ARHGAP10: variants seen among roughly 807,000 people sequenced by gnomAD.
ARHGAP10 encodes the protein Rho GTPase activating protein 10.
A neutral mutation model predicts 108.6 loss-of-function variants in ARHGAP10; 87 were observed. That is an observed-to-expected ratio of 0.80 (90% CI 0.67 to 0.96). The LOEUF is 0.96. Among genes scored for constraint, ARHGAP10 ranks in the 40% least tolerant of loss-of-function variants. The probability of loss-of-function intolerance (pLI) is 0.00; values close to 1 mark genes in which losing one functional copy is unlikely to be tolerated. For missense variants in ARHGAP10, 939 were observed against 954.5 expected, an observed-to-expected ratio of 0.98 and a Z score of 0.21; for synonymous variants, 347 against 341.1, an observed-to-expected ratio of 1.02 and a Z score of -0.19.
At chr4:147,882,691 A>C (rs1735379317) in intron 10 of ARHGAP10, among the ~76,000 whole-genome samples, 1 of 152,122 alleles carries the variant, frequency 6.6e-6, no homozygotes, top group Non-Finnish European at 1.5e-5. Context: ...TTCAAAGGTG[A>C]ATTCTTTTTT....
intron 18 of ARHGAP10, among the ~76,000 whole-genome samples, chr4:148,022,850 A>G (rs1001617315): frequency 6.6e-5 from 10 of 152,344 alleles, no homozygotes; most frequent in Admixed American, 4.6e-4. Flanking sequence ...CTGTTTACGT[A>G]GTTTGGAAAA....
chr4:147,910,999 C>T (rs1736706816), intron 12 of ARHGAP10, among the ~76,000 whole-genome samples: 1 of 151,996 alleles, frequency 6.6e-6, no homozygotes, highest in African/African-American at 2.4e-5. Flanking sequence ...TTTCTTCCTT[C>T]CTCCCTCCTC....
At chr4:147,803,994 G>GTT (rs1189718865) in intron 1 of ARHGAP10, among the ~76,000 whole-genome samples, 27 of 132,858 alleles carry the variant, frequency 2.0e-4, no homozygotes, top group Non-Finnish European at 2.5e-4. Context: ...TGTATTTTTA[G>GTT]TTTTTTTTTT....
rs552794313 is a variant in ARHGAP10, at chr4:147,817,950, C to T, written c.155-4777C>T. Among the ~76,000 whole-genome samples, 75 of 152,274 alleles carry T rather than the reference C, an allele frequency of 4.9e-4. 1 individual carries two copies. Among genetic ancestry groups the T allele is most frequent in the African/African-American group, 1.7e-3 (69 of 41,562 alleles). The stretch of plus-strand genomic sequence containing the variant: ...AGTCATTTAGAGAGCCTGATGGTTT[C>T]ACACCAGTTGAGATCTGGGCAAAAG... On this transcript the variant is annotated intron_variant, in intron 1 of 22. Coordinates refer to ENST00000336498, the MANE Select transcript of ARHGAP10 (RefSeq NM_024605.4).
chr4:147,992,283 G>GCT (rs1348249982), intron 18 of ARHGAP10, among the ~76,000 whole-genome samples: 1 of 152,118 alleles, frequency 6.6e-6, no homozygotes, highest in Non-Finnish European at 1.5e-5. Context: ...CGTTTGTCCT[G>GCT]CTCTCTCGTC....
intron 5 of ARHGAP10, chr4:147,858,023 C>T (rs1253243558): frequency 6.5e-6 from 1 of 152,732 alleles, no homozygotes; most frequent in African/African-American, 2.4e-5. Flanking sequence ...GCTCATATAC[C>T]ATTATGCGTT....
intron 10 of ARHGAP10, among the ~76,000 whole-genome samples, chr4:147,893,122 G>A (rs1253946204): frequency 1.3e-5 from 2 of 152,012 alleles, no homozygotes; most frequent in African/African-American, 4.8e-5. Context: ...GCAGTGGCGT[G>A]ATCTTGGCTC....
At chr4:147,839,315 G>A (rs1337506827) in intron 3 of ARHGAP10, among the ~76,000 whole-genome samples, 1 of 152,148 alleles carries the variant, frequency 6.6e-6, no homozygotes, top group Non-Finnish European at 1.5e-5. Flanking sequence ...GTATCTGGAA[G>A]GTCATGGGAG....
intron 18 of ARHGAP10, among the ~76,000 whole-genome samples, chr4:148,015,621 G>A (rs972754019): frequency 1.3e-5 from 2 of 152,120 alleles, no homozygotes; most frequent in Admixed American, 6.5e-5. Context: ...ACAGAGAGTC[G>A]GAAAAGGTTT....
chr4:147,981,666 C>T (rs527425225), intron 18 of ARHGAP10, among the ~76,000 whole-genome samples: 1 of 152,126 alleles, frequency 6.6e-6, no homozygotes, highest in Non-Finnish European at 1.5e-5. Flanking sequence ...GAAGTCTCCT[C>T]CTATTATTAT....
Position 147,881,773 on chromosome 4 carries a change from G to C in ARHGAP10, c.940-65G>C, listed in dbSNP as rs560403610. On this transcript the variant is annotated intron_variant, in intron 9 of 22. Transcript: ENST00000336498. ...CCTTGCTCCCCTGCTCTCCAGTATA[G>C]AATGGCTGAGTGTGTATATACTTAT... is the stretch of plus-strand genomic sequence containing the variant. The C allele has an allele frequency of 6.8e-6, 10 of 1,462,340 alleles. No homozygotes were observed. The South Asian group carries it at 1.2e-4, about 17-fold the overall frequency. 90.6% of individuals were successfully genotyped at this position (1,462,340 alleles called of 1,614,324 possible). A position where few individuals can be genotyped will look rare whatever the true frequency, so the allele number is the denominator to read the frequency against.
chr4:147,897,571 A>C (rs1736045972), intron 10 of ARHGAP10, among the ~76,000 whole-genome samples: 1 of 152,122 alleles, frequency 6.6e-6, no homozygotes, highest in Non-Finnish European at 1.5e-5. Flanking sequence ...TATAACATGC[A>C]TTTTAAAATA....
rs540431122 is a variant in ARHGAP10 at position 147,987,977 on chromosome 4, C to A, written c.1716+21138C>A. Among the ~76,000 whole-genome samples the A allele has an allele frequency of 4.6e-5, 7 of 152,338 alleles. No homozygotes were observed. The East Asian group carries it at 1.2e-3, about 25-fold the overall frequency. On this transcript the variant is annotated intron_variant, in intron 18 of 22. Coordinates refer to ENST00000336498, the MANE Select transcript of ARHGAP10 (RefSeq NM_024605.4). Reference sequence around the variant, plus strand: ...GGCAAAGTTTTGGTTGCAACCAAATCATCTCTCCAGCAGTGTGAGAAAATA... The same window carrying A: ...GGCAAAGTTTTGGTTGCAACCAAATAATCTCTCCAGCAGTGTGAGAAAATA...
chr4:148,004,754 A>G (rs1348073067), intron 18 of ARHGAP10, among the ~76,000 whole-genome samples: 1 of 152,222 alleles, frequency 6.6e-6, no homozygotes, highest in Non-Finnish European at 1.5e-5. Context: ...AGCGTCCAGA[A>G]TACAGCTTGG....
chr4:148,068,146 G>A (rs1434883123), intron 22 of ARHGAP10, among the ~76,000 whole-genome samples: 1 of 152,188 alleles, frequency 6.6e-6, no homozygotes, highest in African/African-American at 2.4e-5. Flanking sequence ...TTCCAGTCAG[G>A]TGCGCTCCAG....
intron 18 of ARHGAP10, among the ~76,000 whole-genome samples, chr4:147,980,217 A>T (rs1217186308): frequency 6.6e-6 from 1 of 151,922 alleles, no homozygotes; most frequent in African/African-American, 2.4e-5. Context: ...TTCAATGCCT[A>T]GTTTGTTGGT....
chr4:147,966,875 C>T (rs747183964), intron 18 of ARHGAP10, 36 bp downstream of exon 18: 37 of 1,507,162 alleles, frequency 2.5e-5, no homozygotes, highest in African/African-American at 2.8e-5. Flanking sequence ...ACTTTGTTTT[C>T]GGCTTGTCGC....
chr4:147,868,277 C>T (rs1399732587), intron 7 of ARHGAP10, among the ~76,000 whole-genome samples: 1 of 151,760 alleles, frequency 6.6e-6, no homozygotes, highest in Non-Finnish European at 1.5e-5. Context: ...CACTCTGTCG[C>T]TGAGGCTGAA....
intron 1 of ARHGAP10, among the ~76,000 whole-genome samples, chr4:147,741,784 A>ACGCACG (rs1553944858): frequency 5.1e-5 from 1 of 19,522 alleles, no homozygotes; most frequent in Non-Finnish European, 1.6e-4. Context: ...ACACACACAC[A>ACGCACG]CACACACGCA....
Sources: allele counts gnomAD v4.1 joint callset (sites outside exome capture counted in the v4.1 genomes callset), GRCh38; gene constraint gnomAD v4.1.1; transcripts MANE v1.5; gene names NCBI Gene and HGNC (gene_info 2026-07-23, HGNC 2026-07-21).